The following ADGRV1 variants were observed in gnomAD, a reference collection of about 807,000 sequenced individuals.
The protein encoded by ADGRV1 is G-protein coupled receptor 98.
Under a neutral mutation model 596.2 loss-of-function variants are expected in ADGRV1, and 359 were observed. That is an observed-to-expected ratio of 0.60 (90% confidence interval 0.55 to 0.66). The LOEUF is 0.66. Among genes scored for constraint, ADGRV1 ranks in the 30% least tolerant of loss-of-function variants. The probability of loss-of-function intolerance (pLI) is 0.00; values close to 1 mark genes in which losing one functional copy is unlikely to be tolerated. For synonymous variants in ADGRV1, 2,681 were observed against 2,679.2 expected (o/e 1.00, Z -0.02); for missense variants, 7,274 against 7,575.6 (o/e 0.96, Z 1.48).
At chr5:90,664,057 G>A (rs2060522759) in intron 21 of ADGRV1, among the ~76,000 whole-genome samples, 1 of 135,296 alleles carries the variant, frequency 7.4e-6, no homozygotes. Flanking sequence ...GATGCCTCCA[G>A]CTTTGTTGTT....
intron 85 of ADGRV1, among the ~76,000 whole-genome samples, chr5:91,033,924 T>A (rs1784669213): frequency 6.6e-6 from 1 of 152,194 alleles, no homozygotes. Flanking sequence ...TCTTAGTGAT[T>A]TTTTATATTC....
At chr5:90,942,552 T>C (rs1437663062) in intron 83 of ADGRV1, among the ~76,000 whole-genome samples, 2 of 152,130 alleles carry the variant, frequency 1.3e-5, no homozygotes, top group East Asian at 3.8e-4. Flanking sequence ...GTTAATCTTT[T>C]TCTAGATCAG....
At chr5:90,887,252 G>C (rs373631484) in intron 83 of ADGRV1, among the ~76,000 whole-genome samples, 1 of 152,076 alleles carries the variant, frequency 6.6e-6, no homozygotes, top group Non-Finnish European at 1.5e-5. Flanking sequence ...TCTCTGCCTG[G>C]CATGCTCTTT....
At chr5:90,603,923 C>A (rs1306706380) in intron 1 of ADGRV1, among the ~76,000 whole-genome samples, 1 of 140,004 alleles carries the variant, frequency 7.1e-6, no homozygotes, top group Non-Finnish European at 1.6e-5. Context: ...CACGTACACA[C>A]ACATGCACGC....
At position 90,647,696 on chromosome 5, in the gene ADGRV1, T is replaced by C. The variant is rs777636710; in HGVS notation, c.3221T>C (p.Ile1074Thr). Residue 1074 changes from isoleucine to threonine, a missense_variant, in exon 17 of 90, where the codon ATA becomes ACA. Around this residue, in one of 5 missense-constraint regions of ADGRV1, gnomAD observed 1,715 missense variants for 1,708.8 expected, o/e 1.00. Coordinates refer to ENST00000405460, the MANE Select transcript of ADGRV1 (RefSeq NM_032119.4). ...GGAAGTAGACAGCAGAGCATATCCA[T>C]ATTTGTTAATGAAGATGGTATCCCG... ...EVGSRQQSIS[I>T]FVNEDGIPET... 3.1e-6 allele frequency: 5 copies of C among 1,613,810 alleles called. No individual in the cohort carries two copies. In the South Asian group the frequency reaches 3.3e-5, roughly 11 times the overall value.
At chr5:91,160,006 T>C (rs1796813676) in intron 89 of ADGRV1, among the ~76,000 whole-genome samples, 1 of 152,222 alleles carries the variant, frequency 6.6e-6, no homozygotes, top group South Asian at 2.1e-4. Context: ...CAGCGAGGGC[T>C]TCTCCCAGAA....
At chr5:90,937,567 C>T (rs980729355) in intron 83 of ADGRV1, among the ~76,000 whole-genome samples, 1 of 151,248 alleles carries the variant, frequency 6.6e-6, no homozygotes, top group Admixed American at 6.6e-5. Flanking sequence ...ACGCCGTTCT[C>T]CTGCCTCAGC....
chr5:91,095,206 ATT>A (rs561153977), intron 86 of ADGRV1, among the ~76,000 whole-genome samples: 3 of 147,426 alleles, frequency 2.0e-5, no homozygotes, highest in Non-Finnish European at 3.0e-5. Flanking sequence ...CAAACCCAGT[ATT>A]TTTTTTTTTT....
intron 77 of ADGRV1, among the ~76,000 whole-genome samples, chr5:90,835,816 A>T (rs1764922968): frequency 6.6e-6 from 1 of 152,180 alleles, no homozygotes. Flanking sequence ...AAAAACTAAG[A>T]ATTTGTTGCA....
chr5:90,965,284 T>G, intron 83 of ADGRV1, 131 bp from the exon 84 acceptor site: 1 of 634,358 alleles, frequency 1.6e-6, no homozygotes, highest in Non-Finnish European at 2.9e-6. Context: ...CATATCAGTT[T>G]GGGCAAGAAG....
At chr5:90,972,851 C>T (rs1278133769) in intron 84 of ADGRV1, among the ~76,000 whole-genome samples, 1 of 151,920 alleles carries the variant, frequency 6.6e-6, no homozygotes, top group East Asian at 1.9e-4. Flanking sequence ...TAACTAAGAT[C>T]AGAGCAGAAA....
chr5:90,670,793 A>G (rs952341217), intron 21 of ADGRV1, among the ~76,000 whole-genome samples: 5 of 152,340 alleles, frequency 3.3e-5, no homozygotes, highest in Middle Eastern at 3.4e-3. Context: ...GATCCCAACC[A>G]GACTTTATCA....
chr5:90,823,244 C>A (rs1490358549), intron 75 of ADGRV1, among the ~76,000 whole-genome samples, 181 bp from the exon 76 acceptor site: 2 of 152,160 alleles, frequency 1.3e-5, no homozygotes, highest in Non-Finnish European at 1.5e-5. Context: ...ATCCTCTTAT[C>A]TGTAGTGAGG....
In ADGRV1 at chr5:90,703,753, A is replaced by G; in HGVS notation, c.8244A>G (p.Glu2748=). The G allele has an allele frequency of 6.2e-7, 1 of 1,603,372 alleles. No homozygotes were observed. Among genetic ancestry groups the G allele is most frequent in the Non-Finnish European group, 8.5e-7 (1 of 1,174,130 alleles). ...GGAAAATTATTGGGCAAAATCTAGA[A>G]CTCAATTTTGCTAACTTTAGCGGAC... ...VNWKIIGQNL[E]LNFANFSGQL... The change falls in exon 35 of 90, where the codon GAA becomes GAG. Residue 2748 remains glutamate, a synonymous_variant. Transcript: ENST00000405460.
intron 83 of ADGRV1, among the ~76,000 whole-genome samples, chr5:90,947,816 A>G (rs1011182873): frequency 5.3e-5 from 8 of 152,154 alleles, no homozygotes; most frequent in African/African-American, 1.9e-4. Context: ...TCCCTATATC[A>G]TCAATCATTG....
In ADGRV1 at chr5:90,905,788, T is replaced by A. The variant is rs1772267372; in HGVS notation, c.17856+41931T>A. Among the ~76,000 whole-genome samples the A allele has an allele frequency of 2.0e-5, 3 of 152,238 alleles. No homozygotes were observed. In the South Asian group the frequency reaches 6.2e-4, roughly 32 times the overall value. ...CTATGTTGAATAATGGTAGTGAAAG[T>A]AGGCTTTTTTGTTGTGTTCCAGATC... On this transcript the variant is annotated intron_variant, in intron 83 of 89. Transcript: ENST00000405460.
chr5:91,111,179 A>G (rs1427867662), intron 87 of ADGRV1, among the ~76,000 whole-genome samples: 1 of 152,166 alleles, frequency 6.6e-6, no homozygotes. Flanking sequence ...TCTTAAACAC[A>G]TAAAACATTT....
At chr5:91,114,612 TTC>T (rs1460286439) in intron 87 of ADGRV1, among the ~76,000 whole-genome samples, 1 of 152,134 alleles carries the variant, frequency 6.6e-6, no homozygotes, top group Non-Finnish European at 1.5e-5. Flanking sequence ...ATTTATAGTT[TTC>T]TCTCTCTTGA....
At position 90,778,007 on chromosome 5, in the gene ADGRV1, G is replaced by T; in HGVS notation, c.12630G>T (p.Met4210Ile). The change falls in exon 62 of 90, where the codon ATG becomes ATT. Residue 4210 changes from methionine (M) to isoleucine (I), a missense_variant. Physicochemically the swap from Met to Ile is conservative, Grantham distance 10. Transcript: ENST00000405460. ...EFAETSGKLT[M>I]RDEQSAVIVV... ...CTGAAACATCAGGAAAACTGACAATGCGAGACGAACAGTCTGCAGTCATTG... is the reference window on the plus strand; with the variant it reads ...CTGAAACATCAGGAAAACTGACAATTCGAGACGAACAGTCTGCAGTCATTG... 1 of 1,592,720 alleles carries T rather than the reference G, an allele frequency of 6.3e-7. No individual in the cohort carries two copies.
Sources: gnomAD v4.1 joint callset for allele counts (sites outside exome capture counted in the v4.1 genomes callset) on GRCh38, gnomAD v4.1.1 for gene constraint, gnomAD v4.1.1 regional missense constraint, MANE v1.5 for transcripts, NCBI Gene and HGNC (gene_info 2026-07-23, HGNC 2026-07-21) for gene names.